RIMS2: variants seen among roughly 807,000 people sequenced by gnomAD.
The protein encoded by RIMS2 is regulating synaptic membrane exocytosis protein 2.
In RIMS2, 59 loss-of-function variants were observed where a neutral mutation model predicts 174.4. That is an observed-to-expected ratio of 0.34 (90% CI 0.27 to 0.42). RIMS2 has a LOEUF of 0.42. RIMS2 is among the 10% of genes least tolerant of loss of function. The pLI, the probability that RIMS2 is intolerant of heterozygous loss-of-function variation, is 1.00. For missense variants in RIMS2, 1,620 were observed against 1,666.3 expected, an observed-to-expected ratio of 0.97 and a Z score of 0.48; for synonymous variants, 606 against 572.5, an observed-to-expected ratio of 1.06 and a Z score of -0.84.
rs1019316181 is a variant in RIMS2, at chr8:103,697,442, C to A, written c.387+146C>A. On this transcript the variant is annotated intron_variant, in intron 2 of 23. Transcript: ENST00000504942. ...AAATGCTTGTGGCCAGACACGATGG[C>A]TCACGCCTGTAATCTTAGCCCTTTG... 9 of 705,608 alleles carry A rather than the reference C, an allele frequency of 1.3e-5. 1 individual carries two copies. In the Admixed American group the frequency reaches 2.0e-4, roughly 16 times the overall value. The allele number at this position is 705,608 out of a possible 1,614,324, so 43.7% of individuals were successfully genotyped here.
chr8:103,642,816 T>C (rs2096256643), intron 1 of RIMS2, among the ~76,000 whole-genome samples: 1 of 151,992 alleles, frequency 6.6e-6, no homozygotes. Context: ...GATAAGGTGT[T>C]TGCTTTTTTT....
At chr8:103,855,180 T>C (rs1290714591) in intron 3 of RIMS2, among the ~76,000 whole-genome samples, 1 of 152,132 alleles carries the variant, frequency 6.6e-6, no homozygotes, top group Non-Finnish European at 1.5e-5. Flanking sequence ...AGATCTTTTG[T>C]ATTTCTGTGA....
chr8:103,741,327 C>T (rs1355689859), intron 2 of RIMS2, among the ~76,000 whole-genome samples: 3 of 152,068 alleles, frequency 2.0e-5, no homozygotes, highest in Non-Finnish European at 4.4e-5. Context: ...AATATGTTCA[C>T]ATTAATGACT....
intron 1 of RIMS2, among the ~76,000 whole-genome samples, chr8:103,572,715 ATC>A (rs2092924995): frequency 6.6e-6 from 1 of 152,036 alleles, no homozygotes; most frequent in Non-Finnish European, 1.5e-5. Context: ...TTTGAGAAAT[ATC>A]TGTTTATGCT....
intron 1 of RIMS2, among the ~76,000 whole-genome samples, chr8:103,545,393 A>G (rs1052059050): frequency 1.3e-5 from 2 of 152,226 alleles, no homozygotes; most frequent in African/African-American, 4.8e-5. Flanking sequence ...GACCAAATCT[A>G]CAACTCATTG....
intron 3 of RIMS2, among the ~76,000 whole-genome samples, chr8:103,778,491 T>A (rs1209944437): frequency 6.6e-6 from 1 of 152,144 alleles, no homozygotes; most frequent in Non-Finnish European, 1.5e-5. Flanking sequence ...AGTTCCTACA[T>A]GAGTGAGAAC....
intron 3 of RIMS2, among the ~76,000 whole-genome samples, chr8:103,842,089 G>T (rs115483525): frequency 8.5e-5 from 13 of 152,246 alleles, no homozygotes; most frequent in African/African-American, 3.1e-4. Flanking sequence ...ATATGTATGA[G>T]ATTATGGTAA....
At chr8:103,795,327 G>A (rs1041968858) in intron 3 of RIMS2, among the ~76,000 whole-genome samples, 8 of 151,614 alleles carry the variant, frequency 5.3e-5, no homozygotes, top group African/African-American at 1.7e-4. Flanking sequence ...GCAAACTGTC[G>A]CAAGGACAGA....
chr8:103,917,086 T>C (rs963000346), intron 8 of RIMS2, among the ~76,000 whole-genome samples: 5 of 152,144 alleles, frequency 3.3e-5, no homozygotes, highest in Non-Finnish European at 5.9e-5. Flanking sequence ...AAATTGACAG[T>C]TTCCAAACAT....
intron 3 of RIMS2, among the ~76,000 whole-genome samples, chr8:103,852,690 G>A (rs1426665769): frequency 6.6e-6 from 1 of 151,854 alleles, no homozygotes; most frequent in Non-Finnish European, 1.5e-5. Flanking sequence ...AATTTGCTTA[G>A]GATTATGGCC....
At chr8:103,599,433 T>C (rs961029633) in intron 1 of RIMS2, among the ~76,000 whole-genome samples, 2 of 140,818 alleles carry the variant, frequency 1.4e-5, no homozygotes, top group African/African-American at 5.1e-5. Context: ...AATATATATG[T>C]GTATATATAT....
chr8:104,121,434 T>C (rs2098372819), intron 19 of RIMS2, among the ~76,000 whole-genome samples: 1 of 152,188 alleles, frequency 6.6e-6, no homozygotes, highest in Admixed American at 6.6e-5. Flanking sequence ...CGTTACCTTT[T>C]TCTTAATGGT....
At chr8:103,869,839 T>C (rs2099101827) in intron 3 of RIMS2, among the ~76,000 whole-genome samples, 1 of 152,122 alleles carries the variant, frequency 6.6e-6, no homozygotes, top group African/African-American at 2.4e-5. Context: ...ATTTTAATCT[T>C]GGAGATGGGA....
At chr8:103,789,439 C>T (rs1270342795) in intron 3 of RIMS2, among the ~76,000 whole-genome samples, 2 of 152,136 alleles carry the variant, frequency 1.3e-5, no homozygotes, top group Non-Finnish European at 2.9e-5. Context: ...ATTAATTTCC[C>T]TTTTGATTAG....
chr8:104,227,498 A>G (rs1282816708), intron 19 of RIMS2, among the ~76,000 whole-genome samples: 4 of 152,196 alleles, frequency 2.6e-5, no homozygotes, highest in Admixed American at 2.6e-4. Flanking sequence ...AGAAGGAACT[A>G]TTTCAAGCAA....
intron 19 of RIMS2, among the ~76,000 whole-genome samples, chr8:104,083,869 G>C (rs964828127): frequency 1.1e-4 from 17 of 151,924 alleles, no homozygotes; most frequent in African/African-American, 3.9e-4. Flanking sequence ...ATAATAAAGG[G>C]TTTACAAATC....
rs533090515 is a variant in RIMS2 at position 103,639,873 on chromosome 8, A to C, written c.177-57213A>C. 7.2e-5 allele frequency among the ~76,000 whole-genome samples: 11 copies of C among 151,974 alleles called. 1 individual carries two copies. The highest frequency in any genetic ancestry group is 1.5e-4 in the Non-Finnish European group (10 of 67,834). On this transcript the variant is annotated intron_variant, in intron 1 of 23. Coordinates refer to ENST00000504942, the Ensembl canonical transcript of RIMS2. ...TTTGAGTCATTGTTGATATGCACAA[A>C]ATAACTTGATGAGATTTTGGTTGGG...
chr8:103,991,228 T>C (rs2094676828), intron 17 of RIMS2, among the ~76,000 whole-genome samples: 1 of 151,822 alleles, frequency 6.6e-6, no homozygotes, highest in African/African-American at 2.4e-5. Context: ...AATTGATCCA[T>C]GTGGTTTTTA....
At chr8:103,609,247 T>G (rs949674213) in intron 1 of RIMS2, among the ~76,000 whole-genome samples, 8 of 152,222 alleles carry the variant, frequency 5.3e-5, no homozygotes, top group African/African-American at 1.9e-4. Context: ...TTATAGGTGC[T>G]GAATATTAGA....
Sources: allele counts gnomAD v4.1 joint callset (sites outside exome capture counted in the v4.1 genomes callset), GRCh38; gene constraint gnomAD v4.1.1; transcripts MANE v1.5; gene names NCBI Gene and HGNC (gene_info 2026-07-23, HGNC 2026-07-21).